Variants in GPD2 observed in about 807,000 individuals in gnomAD.
GPD2 encodes the protein glycerol-3-phosphate dehydrogenase, mitochondrial.
In GPD2, 54 loss-of-function variants were observed where a neutral mutation model predicts 82.4. The observed-to-expected ratio is 0.66, with a 90% CI of 0.53 to 0.82. The LOEUF is 0.82. GPD2 is among the 40% of genes least tolerant of loss of function. The probability of loss-of-function intolerance (pLI) is 0.00; values close to 1 mark genes in which losing one functional copy is unlikely to be tolerated. For synonymous variants in GPD2, 288 were observed against 306.1 expected, an observed-to-expected ratio of 0.94 and a Z score of 0.62; for missense variants, 748 against 896.2, an observed-to-expected ratio of 0.83 and a Z score of 2.11.
chr2:156,462,257 T>C (rs1485553979), intron 1 of GPD2, among the ~76,000 whole-genome samples: 1 of 152,102 alleles, frequency 6.6e-6, no homozygotes, highest in Admixed American at 6.6e-5. Flanking sequence ...ACTCTGTGCA[T>C]GTACCTGGTT....
intron 6 of GPD2, among the ~76,000 whole-genome samples, chr2:156,538,389 G>A (rs982523258): frequency 6.6e-6 from 1 of 151,990 alleles, no homozygotes; most frequent in African/African-American, 2.4e-5. Flanking sequence ...AGAAGATGGT[G>A]GGGGATAGAA....
intron 8 of GPD2, among the ~76,000 whole-genome samples, chr2:156,551,669 T>A (rs1474232188): frequency 6.6e-6 from 1 of 152,142 alleles, no homozygotes; most frequent in African/African-American, 2.4e-5. Context: ...ATAAATAAAT[T>A]ATGGCATAAC....
chr2:156,531,956 G>A (rs1288054228), intron 6 of GPD2, among the ~76,000 whole-genome samples: 1 of 151,858 alleles, frequency 6.6e-6, no homozygotes, highest in Non-Finnish European at 1.5e-5. Context: ...AGGGGTTATA[G>A]ATTTATGTTA....
chr2:156,564,248 C>G (rs1431054149), intron 9 of GPD2, among the ~76,000 whole-genome samples: 1 of 152,130 alleles, frequency 6.6e-6, no homozygotes, highest in African/African-American at 2.4e-5. Context: ...CTGCCATCCT[C>G]CAAGGTGGTT....
At chr2:156,428,812 C>T in the GPD2 span, among the ~76,000 whole-genome samples, 1 of 152,178 alleles carries the variant, frequency 6.6e-6, no homozygotes, top group African/African-American at 2.4e-5. Flanking sequence ...TCTCTGCTTT[C>T]CTGTCTTCCA....
the GPD2 span, among the ~76,000 whole-genome samples, chr2:156,402,156 G>A: frequency 5.9e-5 from 9 of 152,352 alleles, no homozygotes; most frequent in Middle Eastern, 3.4e-3. Flanking sequence ...TTCAGTGTTG[G>A]AGTGCTTAGC....
chr2:156,456,540 T>C (rs1455417714), intron 1 of GPD2, among the ~76,000 whole-genome samples: 1 of 151,516 alleles, frequency 6.6e-6, no homozygotes, highest in Non-Finnish European at 1.5e-5. Context: ...AAGGTGGAGG[T>C]TGCAGAGATC....
chr2:156,571,754 A>G (rs201040666), intron 13 of GPD2, among the ~76,000 whole-genome samples: 1 of 150,014 alleles, frequency 6.7e-6, no homozygotes, highest in African/African-American at 2.4e-5. Context: ...ACACACACAC[A>G]CGCACAACAC....
At chr2:156,515,256 G>A (rs936373288) in intron 6 of GPD2, among the ~76,000 whole-genome samples, 8 of 151,930 alleles carry the variant, frequency 5.3e-5, no homozygotes, top group African/African-American at 1.7e-4. Context: ...CAAGAAATTA[G>A]CCAGGTGCGG....
intron 6 of GPD2, among the ~76,000 whole-genome samples, chr2:156,541,908 T>C (rs1486649671): frequency 7.4e-6 from 1 of 134,370 alleles, no homozygotes; most frequent in East Asian, 2.5e-4. Flanking sequence ...TATTGTAAAC[T>C]AATGTGTGGA....
intron 3 of GPD2, among the ~76,000 whole-genome samples, chr2:156,496,662 A>T (rs1684390004): frequency 4.3e-5 from 1 of 23,268 alleles, no homozygotes; most frequent in Admixed American, 8.8e-4. Context: ...TTTGTTTAAA[A>T]AGAAAACTAT....
chr2:156,422,223 T>G, the GPD2 span, among the ~76,000 whole-genome samples: 1 of 152,174 alleles, frequency 6.6e-6, no homozygotes, highest in African/African-American at 2.4e-5. Context: ...AGTGTGATGA[T>G]TGGGTTTTTA....
chr2:156,538,930 T>C (rs773552794), intron 6 of GPD2, among the ~76,000 whole-genome samples: 1 of 151,916 alleles, frequency 6.6e-6, no homozygotes. Context: ...GTTAAAGATA[T>C]CTTTGTCAAG....
the GPD2 span, among the ~76,000 whole-genome samples, chr2:156,401,226 A>G: frequency 3.9e-5 from 6 of 152,324 alleles, no homozygotes; most frequent in African/African-American, 7.2e-5. Flanking sequence ...GCTTATAGCA[A>G]ATGTGCTTTT....
chr2:156,531,598 A>T (rs1381658004), intron 6 of GPD2, among the ~76,000 whole-genome samples: 1 of 152,212 alleles, frequency 6.6e-6, no homozygotes, highest in East Asian at 1.9e-4. Flanking sequence ...GTCGTGTGGC[A>T]CCTGCATGTG....
the GPD2 span, among the ~76,000 whole-genome samples, chr2:156,417,240 A>G: frequency 6.6e-6 from 1 of 152,144 alleles, no homozygotes; most frequent in Non-Finnish European, 1.5e-5. Flanking sequence ...GATTTGATCA[A>G]TTTTATTCAG....
At chr2:156,522,249 C>T (rs975308954) in intron 6 of GPD2, among the ~76,000 whole-genome samples, 4 of 152,114 alleles carry the variant, frequency 2.6e-5, no homozygotes, top group African/African-American at 7.2e-5. Flanking sequence ...CTTTCATTCT[C>T]TTATAATTTG....
Position 156,513,328 on chromosome 2 carries a change from T to C in GPD2, c.498-5T>C. On this transcript the variant is annotated splice_polypyrimidine_tract_variant and splice_region_variant and intron_variant, in intron 5 of 16. Coordinates refer to ENST00000438166, the MANE Select transcript of GPD2 (RefSeq NM_000408.5). Reference sequence around the variant, plus strand: ...GAAGAACTTTCCCCCCTATTTATGCTGTAGGTGGTGGCAGTTACCTTACTA... The same window carrying C: ...GAAGAACTTTCCCCCCTATTTATGCCGTAGGTGGTGGCAGTTACCTTACTA... The C allele has an allele frequency of 6.2e-7, 1 of 1,602,916 alleles. No homozygotes were observed. Among genetic ancestry groups the C allele is most frequent in the East Asian group, 2.2e-5 (1 of 44,822 alleles).
chr2:156,514,949 A>G (rs1685145505), intron 6 of GPD2, among the ~76,000 whole-genome samples: 1 of 152,144 alleles, frequency 6.6e-6, no homozygotes. Context: ...GCATTCTGTA[A>G]ATAGCGTCCT....
Sources: allele counts gnomAD v4.1 joint callset (sites outside exome capture counted in the v4.1 genomes callset), GRCh38; gene constraint gnomAD v4.1.1; transcripts MANE v1.5; gene names NCBI Gene and HGNC (gene_info 2026-07-23, HGNC 2026-07-21).